CNBD1: variants seen among roughly 807,000 people sequenced by gnomAD.
The protein encoded by CNBD1 is cyclic nucleotide binding domain containing 1.
CNBD1 carries 71 observed loss-of-function variants against 54.4 expected under a neutral mutation model. The ratio of observed to expected loss-of-function variants is 1.30; its 90% CI spans 1.08 to 1.59. The LOEUF is 1.59. CNBD1 is among the 40% of genes most tolerant of loss of function. CNBD1 has a pLI of 0.00. For synonymous variants in CNBD1, 182 were observed against 170.7 expected (o/e 1.07, Z -0.51); for missense variants, 659 against 518.0 (o/e 1.27, Z -2.64).
chr8:87,378,246 G>T (rs1466892234), intron 10 of CNBD1, among the ~76,000 whole-genome samples: 1 of 142,776 alleles, frequency 7.0e-6, no homozygotes, highest in Non-Finnish European at 1.5e-5. Flanking sequence ...TGTCCTGAAT[G>T]GTAATGCCTA....
At chr8:87,096,343 CT>C (rs764461082) in intron 4 of CNBD1, among the ~76,000 whole-genome samples, 5,615 of 117,142 alleles carry the variant, frequency 0.048, 262 homozygotes, top group Admixed American at 0.15. Flanking sequence ...TCTCTGGTGT[CT>C]TTTTTTTTTT....
intron 4 of CNBD1, among the ~76,000 whole-genome samples, chr8:87,176,194 A>G (rs924796031): frequency 1.3e-5 from 2 of 152,248 alleles, no homozygotes; most frequent in Middle Eastern, 6.8e-3. Context: ...GTGAGTGCTC[A>G]CCTGATTTTG....
chr8:87,195,827 C>T (rs148987985), intron 4 of CNBD1, among the ~76,000 whole-genome samples: 1 of 152,038 alleles, frequency 6.6e-6, no homozygotes, highest in Non-Finnish European at 1.5e-5. Context: ...CCTGCTTTGG[C>T]CTCCCAAAGT....
chr8:87,094,064 G>T (rs1811270281), intron 4 of CNBD1, among the ~76,000 whole-genome samples: 2 of 152,132 alleles, frequency 1.3e-5, no homozygotes, highest in South Asian at 4.1e-4. Flanking sequence ...GACATCTATG[G>T]CAATTTTCTC....
rs527401478 is a variant in CNBD1, at chr8:87,304,127, C to A, written c.1042+17456C>A. ...GAAATACCATTTGACCCAGCCATCC[C>A]ATTACTGGGTATATACCCAAAGGAC... On this transcript the variant is annotated intron_variant, in intron 8 of 10. Transcript: ENST00000518476. 5.9e-3 allele frequency among the ~76,000 whole-genome samples: 898 copies of A among 152,052 alleles called. 6 individuals carry two copies. Among genetic ancestry groups the A allele is most frequent in the Non-Finnish European group, 9.1e-3 (620 of 67,964 alleles).
intron 4 of CNBD1, among the ~76,000 whole-genome samples, chr8:87,124,204 A>C (rs920178550): frequency 6.6e-6 from 1 of 151,716 alleles, no homozygotes; most frequent in Non-Finnish European, 1.5e-5. Flanking sequence ...TTCTGATGAA[A>C]TAATGCAACT....
chr8:87,236,027 C>A (rs1471159142), intron 5 of CNBD1, among the ~76,000 whole-genome samples: 10 of 152,000 alleles, frequency 6.6e-5, no homozygotes, highest in Admixed American at 6.6e-4. Flanking sequence ...AAAAAGCAGA[C>A]ATGGCAAGCA....
intron 4 of CNBD1, among the ~76,000 whole-genome samples, chr8:87,184,401 C>T (rs755866657): frequency 2.0e-5 from 3 of 152,126 alleles, no homozygotes; most frequent in Non-Finnish European, 2.9e-5. Context: ...TGCTAATAAA[C>T]GCTAAAGCCA....
intron 8 of CNBD1, among the ~76,000 whole-genome samples, chr8:87,347,116 G>T (rs1432257107): frequency 6.6e-6 from 1 of 151,938 alleles, no homozygotes; most frequent in Non-Finnish European, 1.5e-5. Context: ...CTGCCTCCAG[G>T]GCTTTCTTAC....
intron 10 of CNBD1, among the ~76,000 whole-genome samples, chr8:87,369,681 G>T (rs1373401243): frequency 6.6e-6 from 1 of 151,690 alleles, no homozygotes; most frequent in Non-Finnish European, 1.5e-5. Flanking sequence ...TAGTACCATT[G>T]AGTATCATTT....
At chr8:87,070,315 T>C (rs1810734372) in intron 4 of CNBD1, among the ~76,000 whole-genome samples, 2 of 152,078 alleles carry the variant, frequency 1.3e-5, no homozygotes, top group Non-Finnish European at 2.9e-5. Context: ...TTGGGTCTTA[T>C]TTTTGTGTGG....
intron 2 of CNBD1, among the ~76,000 whole-genome samples, chr8:86,904,876 T>G (rs1808992281): frequency 6.6e-6 from 1 of 152,100 alleles, no homozygotes; most frequent in Non-Finnish European, 1.5e-5. Flanking sequence ...TATCATACAT[T>G]ATCATACATT....
chr8:86,914,950 G>C (rs1809159905), intron 3 of CNBD1, among the ~76,000 whole-genome samples: 1 of 152,234 alleles, frequency 6.6e-6, no homozygotes, highest in African/African-American at 2.4e-5. Context: ...CTTCTTGCCT[G>C]TTGCCCAGAT....
intron 6 of CNBD1, among the ~76,000 whole-genome samples, chr8:87,253,018 T>A: frequency 6.6e-6 from 1 of 151,958 alleles, no homozygotes; most frequent in East Asian, 1.9e-4. Flanking sequence ...TTTGGGAAAT[T>A]CAGTGGACAA....
At chr8:87,423,809 T>C (rs1389553520) in intron 2 of CNBD1, among the ~76,000 whole-genome samples, 4 of 152,096 alleles carry the variant, frequency 2.6e-5, no homozygotes, top group Non-Finnish European at 5.9e-5. Flanking sequence ...TTAGGGAGGA[T>C]TCCCTCTTTT....
intron 2 of CNBD1, among the ~76,000 whole-genome samples, chr8:87,388,369 A>G (rs896979167): frequency 1.8e-4 from 18 of 98,382 alleles, no homozygotes; most frequent in Non-Finnish European, 1.4e-4. Context: ...AGACTAATGA[A>G]GAAAAAAGAG....
intron 8 of CNBD1, among the ~76,000 whole-genome samples, chr8:87,294,294 T>A (rs1245790611): frequency 6.6e-6 from 1 of 152,192 alleles, no homozygotes; most frequent in Non-Finnish European, 1.5e-5. Flanking sequence ...CATTTCCACT[T>A]CTTTGCAATG....
chr8:86,899,301 C>A (rs1808896552), intron 2 of CNBD1, among the ~76,000 whole-genome samples: 1 of 151,662 alleles, frequency 6.6e-6, no homozygotes, highest in South Asian at 2.1e-4. Context: ...GGAATTCATG[C>A]TAAATGAGTA....
At chr8:87,201,857 A>G (rs1192479899) in intron 4 of CNBD1, among the ~76,000 whole-genome samples, 1 of 152,142 alleles carries the variant, frequency 6.6e-6, no homozygotes, top group Non-Finnish European at 1.5e-5. Flanking sequence ...GGTTCAAGCC[A>G]TTCTCCTGCC....
Sources: gnomAD v4.1 joint callset for allele counts (sites outside exome capture counted in the v4.1 genomes callset) on GRCh38, gnomAD v4.1.1 for gene constraint, MANE v1.5 for transcripts, NCBI Gene and HGNC (gene_info 2026-07-23, HGNC 2026-07-21) for gene names.